The following TOMM20L variants were observed in gnomAD, a reference collection of about 807,000 sequenced individuals.
TOMM20L encodes the protein translocase of outer mitochondrial membrane 20 like, also known as TOMM20-like protein 1.
Under a neutral mutation model 20.4 loss-of-function variants are expected in TOMM20L, and 19 were observed. That is an observed-to-expected ratio of 0.93 (90% CI 0.65 to 1.36). TOMM20L has a LOEUF of 1.36. TOMM20L is among the 40% of genes most tolerant of loss of function. The pLI is 0.00. For missense variants in TOMM20L, 218 were observed against 203.7 expected, an observed-to-expected ratio of 1.07 and a Z score of -0.43; for synonymous variants, 75 against 79.6, an observed-to-expected ratio of 0.94 and a Z score of 0.30.
chr14:58,398,750 T>C (rs1414257490), intron 2 of TOMM20L: 3 of 151,422 alleles, frequency 2.0e-5, no homozygotes, highest in Non-Finnish European at 4.4e-5. Context: ...CTATCATTTA[T>C]TGATATAAAT....
At chr14:58,409,563 TATTTTA>T (rs772081450), downstream of TOMM20L, among the ~76,000 whole-genome samples, 13 of 152,096 alleles carry the variant, frequency 8.5e-5, no homozygotes, top group South Asian at 2.1e-4. Flanking sequence ...ACCTTTTACT[TATTTTA>T]ATTTTATTTA....
Position 58,396,282 on chromosome 14 carries a change from C to G in TOMM20L, c.137-16C>G, listed in dbSNP as rs1471074081. On this transcript the variant is annotated splice_polypyrimidine_tract_variant and intron_variant, in intron 1 of 4. Coordinates refer to ENST00000360945, the MANE Select transcript of TOMM20L (RefSeq NM_207377.3). Reference sequence around the variant, plus strand: ...GACGGGCCTCCCAGCCAGCATGTGCCGTGTTGTGTTCGCAGAAAGAAGAGC... The same window carrying G: ...GACGGGCCTCCCAGCCAGCATGTGCGGTGTTGTGTTCGCAGAAAGAAGAGC... 6 of 1,612,838 alleles carry G rather than the reference C, an allele frequency of 3.7e-6. No individual in the cohort carries two copies. The South Asian group carries it at 6.6e-5, about 18-fold the overall frequency.
intron 2 of TOMM20L, among the ~76,000 whole-genome samples, chr14:58,397,962 A>G (rs2035948443): frequency 6.6e-6 from 1 of 152,222 alleles, no homozygotes; most frequent in Non-Finnish European, 1.5e-5. Context: ...GTAACTGGGA[A>G]GAATACAGTT....
At position 58,396,041 on chromosome 14, in the gene TOMM20L, C is replaced by T. The variant is rs746195024; in HGVS notation, c.84C>T (p.Tyr28=). Residue 28 remains tyrosine (Y), a synonymous_variant, in exon 1 of 5, where the codon TAC becomes TAT. Coordinates refer to ENST00000360945, the MANE Select transcript of TOMM20L (RefSeq NM_207377.3). ...TCGCCTTCCTGGGCTATTGTATTTA[C>T]CTCAACCGGAAGCGGCGCGGGGACC... ...GAFAFLGYCI[Y]LNRKRRGDPA... is the part of the protein sequence containing the mutation. The T allele has an allele frequency of 1.4e-6, 2 of 1,432,630 alleles. No homozygotes were observed. The highest frequency in any genetic ancestry group is 2.8e-5 in the East Asian group (1 of 35,464). 88.7% of individuals were successfully genotyped at this position (1,432,630 alleles called of 1,614,324 possible).
chr14:58,403,777 G>A (rs962218679), intron 3 of TOMM20L, among the ~76,000 whole-genome samples: 5 of 151,926 alleles, frequency 3.3e-5, no homozygotes, highest in Non-Finnish European at 7.4e-5. Context: ...GGCGGAGCTT[G>A]CAGTGAGCCG....
intron 2 of TOMM20L, among the ~76,000 whole-genome samples, chr14:58,400,071 G>C (rs920087553): frequency 1.1e-4 from 17 of 151,616 alleles, no homozygotes; most frequent in Non-Finnish European, 2.2e-4. Context: ...TGGCAGCTCT[G>C]AATATGTAAT....
Position 58,408,617 on chromosome 14 carries a change from T to C in TOMM20L, c.*35T>C. 1 of 1,591,152 alleles carries C rather than the reference T, an allele frequency of 6.3e-7. No individual in the cohort carries two copies. The highest frequency in any genetic ancestry group is 8.6e-7 in the Non-Finnish European group (1 of 1,161,270). On this transcript the variant is annotated 3_prime_UTR_variant, in exon 5 of 5. Transcript: ENST00000360945. ...CAACGTATCCACAGTCCAGTGAGAA[T>C]ACTATGGTACCATACAGTATAAACA...
At chr14:58,402,468 A>C (rs2036003931) in intron 2 of TOMM20L, among the ~76,000 whole-genome samples, 1 of 151,840 alleles carries the variant, frequency 6.6e-6, no homozygotes, top group African/African-American at 2.4e-5. Context: ...TTGTATTTTT[A>C]GTAGAGATGG....
Position 58,402,679 on chromosome 14 carries a change from GTT to G in TOMM20L, c.181_182del (p.Leu61ValfsTer7). 1 of 1,610,034 alleles carries G rather than the reference GTT, an allele frequency of 6.2e-7. No individual in the cohort carries two copies. The highest frequency in any genetic ancestry group is 8.5e-7 in the Non-Finnish European group (1 of 1,176,468). On this transcript the variant is annotated frameshift_variant and splice_region_variant, in exon 3 of 5. Transcript: ENST00000360945. LOFTEE classifies it high-confidence loss of function. ...PQKAEEQGTQ[L>X]WDPTKNKKLQ... ...TGTTGAATATTTTATGAATATTTTA[GTT>G]GTGGGATCCAACGAAGAATAAAAAG...
At chr14:58,413,069 T>C (rs112990703), downstream of TOMM20L, among the ~76,000 whole-genome samples, 2 of 152,294 alleles carry the variant, frequency 1.3e-5, no homozygotes, top group Non-Finnish European at 2.9e-5. Context: ...GATTTTAACA[T>C]TTCAACATAC....
At chr14:58,405,086 A>G (rs2036041376) in intron 3 of TOMM20L, among the ~76,000 whole-genome samples, 1 of 151,556 alleles carries the variant, frequency 6.6e-6, no homozygotes, top group Non-Finnish European at 1.5e-5. Context: ...CTCCGGCCTC[A>G]GCCTCCTAAG....
rs188663859 is a variant in TOMM20L, at chr14:58,398,100, C to G, written c.180+1759C>G. On this transcript the variant is annotated intron_variant, in intron 2 of 4. Coordinates refer to ENST00000360945, the MANE Select transcript of TOMM20L (RefSeq NM_207377.3). ...AGCTGGGTAGGGAGTGTCCAAAGAG[C>G]TGGACATGGGAGTGGAGATACCTTC... Among the ~76,000 whole-genome samples, 5 of 152,266 alleles carry G rather than the reference C, an allele frequency of 3.3e-5. No homozygotes were observed. The South Asian group carries it at 8.3e-4, about 25-fold the overall frequency.
At chr14:58,411,433 G>C (rs1168629532), downstream of TOMM20L, among the ~76,000 whole-genome samples, 7 of 150,748 alleles carry the variant, frequency 4.6e-5, no homozygotes, top group South Asian at 2.1e-4. Context: ...GGCCGACAAA[G>C]AGAGACTGTG....
At chr14:58,396,141 G>T (rs781350820) in intron 1 of TOMM20L, 48 bp downstream of exon 1, 2 of 1,276,924 alleles carry the variant, frequency 1.6e-6, no homozygotes, top group African/African-American at 1.6e-5. Context: ...CAGCGCGGGC[G>T]GGCTGCCGGC....
At chr14:58,402,798 C>T in intron 3 of TOMM20L, 37 bp downstream of exon 3, 1 of 1,398,298 alleles carries the variant, frequency 7.2e-7, no homozygotes, top group Non-Finnish European at 1.0e-6. Context: ...GTTATGACAG[C>T]TTATACTTGA....
At chr14:58,405,719 C>A (rs920733523) in intron 3 of TOMM20L, among the ~76,000 whole-genome samples, 1 of 152,114 alleles carries the variant, frequency 6.6e-6, no homozygotes. Context: ...GTTGGCCAGG[C>A]TGGTCTCGAA....
At chr14:58,408,982 A>G (rs924846314), downstream of TOMM20L, 11 of 1,586,180 alleles carry the variant, frequency 6.9e-6, no homozygotes, top group African/African-American at 1.1e-4. Context: ...CTCATTTCCA[A>G]TAAAGCAGCT....
At chr14:58,410,183 C>T (rs373731094), downstream of TOMM20L, among the ~76,000 whole-genome samples, 1 of 151,918 alleles carries the variant, frequency 6.6e-6, no homozygotes, top group Non-Finnish European at 1.5e-5. Flanking sequence ...GTGACCCTCT[C>T]ACCTCAGCTC....
At chr14:58,397,059 T>G (rs1470473208) in intron 2 of TOMM20L, among the ~76,000 whole-genome samples, 2 of 152,194 alleles carry the variant, frequency 1.3e-5, no homozygotes, top group Non-Finnish European at 2.9e-5. Context: ...AGCAAGACAC[T>G]GTCTATAAAA....
Sources: gnomAD v4.1 joint callset for allele counts (sites outside exome capture counted in the v4.1 genomes callset) on GRCh38, gnomAD v4.1.1 for gene constraint, MANE v1.5 for transcripts, NCBI Gene and HGNC (gene_info 2026-07-23, HGNC 2026-07-21) for gene names.